MTOR: variants seen among roughly 807,000 people sequenced by gnomAD.
MTOR encodes mechanistic target of rapamycin kinase.
A neutral mutation model predicts 319.8 loss-of-function variants in MTOR; 70 were observed. That is an observed-to-expected ratio of 0.22 (90% CI 0.18 to 0.27). The LOEUF (loss-of-function observed/expected upper bound fraction) is 0.27, where lower values mean the gene tolerates loss of function less well. Among genes scored for constraint, MTOR ranks in the 10% least tolerant of loss-of-function variants. MTOR has a pLI of 1.00. For missense variants in MTOR, 1,890 were observed against 3,274.4 expected (o/e 0.58, Z 10.32); for synonymous variants, 1,183 against 1,211.4 (o/e 0.98, Z 0.49).
chr1:11,252,251 T>C (rs1420303960), intron 6 of MTOR, among the ~76,000 whole-genome samples: 1 of 152,196 alleles, frequency 6.6e-6, no homozygotes, highest in Non-Finnish European at 1.5e-5. Flanking sequence ...ATTTGTATTA[T>C]CTTTAAATTG....
chr1:11,192,291 C>G (rs1449629661), intron 28 of MTOR: 1 of 1,613,926 alleles, frequency 6.2e-7, no homozygotes, highest in Non-Finnish European at 8.5e-7. Context: ...GACTGCTCTT[C>G]CCTCTACCAG....
At chr1:11,197,277 T>C (rs1645818623) in intron 28 of MTOR, among the ~76,000 whole-genome samples, 1 of 152,202 alleles carries the variant, frequency 6.6e-6, no homozygotes, top group Non-Finnish European at 1.5e-5. Context: ...CTAGGGGTAG[T>C]GCTATGAGCA....
chr1:11,194,219 G>T (rs1315366060), intron 28 of MTOR, among the ~76,000 whole-genome samples: 1 of 152,200 alleles, frequency 6.6e-6, no homozygotes, highest in Non-Finnish European at 1.5e-5. Flanking sequence ...AAGCAGGAAA[G>T]TGAGGAATAT....
chr1:11,154,773 C>T (rs1644264960), intron 30 of MTOR, among the ~76,000 whole-genome samples: 1 of 151,920 alleles, frequency 6.6e-6, no homozygotes, highest in Non-Finnish European at 1.5e-5. Flanking sequence ...TGCTTGAGTC[C>T]AGGAGTTCAA....
rs189595014 is a variant in MTOR, at chr1:11,205,362, G to A, written c.3802-659C>T. On this transcript the variant is annotated intron_variant, in intron 25 of 57. Coordinates refer to ENST00000361445, the MANE Select transcript of MTOR (RefSeq NM_004958.4). ...AGCTACACTTGACTCAATGGCTTCA[G>A]TTCAAATCCCAGTTATATAACATAA... Among the ~76,000 whole-genome samples, 641 of 152,266 alleles carry A rather than the reference G, an allele frequency of 4.2e-3. 6 individuals carry two copies. The highest frequency in any genetic ancestry group is 0.015 in the African/African-American group (604 of 41,546).
intron 34 of MTOR, among the ~76,000 whole-genome samples, chr1:11,141,965 C>A (rs914011212): frequency 2.6e-5 from 4 of 151,430 alleles, no homozygotes; most frequent in Admixed American, 1.3e-4. Flanking sequence ...CGTGCCACTG[C>A]ACTCCAGACT....
At chr1:11,163,209 A>G (rs1274344159) in intron 29 of MTOR, among the ~76,000 whole-genome samples, 1 of 152,256 alleles carries the variant, frequency 6.6e-6, no homozygotes, top group Non-Finnish European at 1.5e-5. Flanking sequence ...ATAATGATAA[A>G]GGGATCAATT....
Position 11,133,190 on chromosome 1 carries a change from G to A in MTOR, c.5254C>T (p.Leu1752=), listed in dbSNP as rs753829747. 12 of 1,613,748 alleles carry A rather than the reference G, an allele frequency of 7.4e-6. No individual in the cohort carries two copies. In the East Asian group the frequency reaches 2.7e-4, roughly 36 times the overall value. The change falls in exon 38 of 58, where the codon CTG becomes TTG. Residue 1752 remains leucine (L), a synonymous_variant. Transcript: ENST00000361445. This position sits in a 1 kb window ranked among gnomAD's most constrained non-coding sequence, Gnocchi z 4.0. ...TTCAGCTGCCACTCTCCAAGTTTCAGGAAGCATCTGGAAGCAGAGAAACAA... is the reference window on the plus strand; with the variant it reads ...TTCAGCTGCCACTCTCCAAGTTTCAAGAAGCATCTGGAAGCAGAGAAACAA... The part of the protein sequence containing the change: ...ELHKLMARCF[L]KLGEWQLNLQ...
intron 8 of MTOR, among the ~76,000 whole-genome samples, chr1:11,246,765 G>A (rs1648886057): frequency 6.6e-6 from 1 of 152,166 alleles, no homozygotes; most frequent in Non-Finnish European, 1.5e-5. Flanking sequence ...TTCAAGACTG[G>A]GTGCCTACAC....
chr1:11,256,688 C>T (rs994293366), intron 4 of MTOR, among the ~76,000 whole-genome samples: 1 of 152,058 alleles, frequency 6.6e-6, no homozygotes, highest in Non-Finnish European at 1.5e-5. Flanking sequence ...GTACCGTGCC[C>T]CCTCCTCACA....
intron 28 of MTOR, among the ~76,000 whole-genome samples, chr1:11,169,228 A>T (rs2100617160): frequency 6.6e-6 from 1 of 152,358 alleles, no homozygotes; most frequent in African/African-American, 2.4e-5. Context: ...TGAAAGTAAT[A>T]ATCTAATGCC....
At chr1:11,226,820 T>C (rs993889267) in intron 19 of MTOR, among the ~76,000 whole-genome samples, 4 of 152,104 alleles carry the variant, frequency 2.6e-5, no homozygotes, top group Non-Finnish European at 5.9e-5. Context: ...CTTATGACTT[T>C]TTTAGTACTT....
intron 23 of MTOR, among the ~76,000 whole-genome samples, chr1:11,211,140 G>A (rs559795277): frequency 2.0e-5 from 3 of 152,180 alleles, no homozygotes; most frequent in South Asian, 2.1e-4. Context: ...CCTTGCCCCC[G>A]CAGCCTATTT....
In MTOR at chr1:11,128,268, C is replaced by T. The variant is rs1300210706; in HGVS notation, c.5911-142G>A. 9 of 1,349,558 alleles carry T rather than the reference C, an allele frequency of 6.7e-6. No homozygotes were observed. In the East Asian group the frequency reaches 7.0e-5, roughly 11 times the overall value. 83.6% of individuals were successfully genotyped at this position (1,349,558 alleles called of 1,614,324 possible). ...GACTACCAGGAAGGGGCTCAGTCTT[C>T]GAGGGAACGCTTTCTTTTTAGCAAG... On this transcript the variant is annotated intron_variant, in intron 42 of 57. Transcript: ENST00000361445. This position sits in a 1 kb window ranked among gnomAD's most constrained non-coding sequence, Gnocchi z 5.3.
In MTOR at chr1:11,170,158, G is replaced by A. The variant is rs991353418; in HGVS notation, c.4254-2641C>T. ...GTTTTTAATTTCAGAGTGAAACCAC[G>A]GCATGATGGTTTCCCTTAGGAAGCC... On this transcript the variant is annotated intron_variant, in intron 28 of 57. Transcript: ENST00000361445. 3.3e-5 allele frequency among the ~76,000 whole-genome samples: 5 copies of A among 152,240 alleles called. No individual in the cohort carries two copies. In the East Asian group the frequency reaches 5.8e-4, roughly 18 times the overall value.
chr1:11,122,203 T>TA (rs1642566549), intron 47 of MTOR, 77 bp from the exon 48 acceptor site: 203 of 1,512,828 alleles, frequency 1.3e-4, no homozygotes, highest in South Asian at 7.1e-4. Context: ...ACAGGCAGAC[T>TA]GTTTTTTTTT....
rs145971618 is a variant in MTOR, at chr1:11,172,286, G to A, written c.4254-4769C>T. 7.8e-3 allele frequency among the ~76,000 whole-genome samples: 1,183 copies of A among 152,128 alleles called. 21 individuals are homozygous for A. The highest frequency in any genetic ancestry group is 0.027 in the African/African-American group (1,115 of 41,498). On this transcript the variant is annotated intron_variant, in intron 28 of 57. Coordinates refer to ENST00000361445, the MANE Select transcript of MTOR (RefSeq NM_004958.4). ...AAAAATTACAACTTTGGCTGGGCGC[G>A]GTGGCTCACGCCTGTAATCCCAGCA...
In MTOR at chr1:11,164,119, C is replaced by T. The variant is rs1644561867; in HGVS notation, c.4329+3323G>A. Among the ~76,000 whole-genome samples the T allele has an allele frequency of 2.6e-5, 4 of 151,944 alleles. No individual in the cohort carries two copies. The South Asian group carries it at 6.3e-4, about 24-fold the overall frequency. On this transcript the variant is annotated intron_variant, in intron 29 of 57. Transcript: ENST00000361445. ...CAGCACTTTGGGAGGCCGAGGTGGG[C>T]GGATCACGAGGTCAGGAGATCAAGA... is the stretch of plus-strand genomic sequence containing the variant.
In MTOR at chr1:11,199,109, A is replaced by T. The variant is rs1412156484; in HGVS notation, c.4253+149T>A. 7 of 961,146 alleles carry T rather than the reference A, an allele frequency of 7.3e-6. No individual in the cohort carries two copies. The highest frequency in any genetic ancestry group is 1.1e-5 in the Non-Finnish European group (7 of 640,526). 59.5% of individuals were successfully genotyped at this position (961,146 alleles called of 1,614,324 possible). Reference sequence around the variant, plus strand: ...ATTCCTGGGGAGAGCCATCTGCAACAACATGTCATTTAAACATGCTGGCCA... The same window carrying T: ...ATTCCTGGGGAGAGCCATCTGCAACTACATGTCATTTAAACATGCTGGCCA... On this transcript the variant is annotated intron_variant, in intron 28 of 57. Transcript: ENST00000361445. The surrounding 1 kb of genome is among the most constrained non-coding windows in gnomAD (Gnocchi z 4.5).
Sources: allele counts gnomAD v4.1 joint callset (sites outside exome capture counted in the v4.1 genomes callset), GRCh38; gene constraint gnomAD v4.1.1; non-coding constraint Gnocchi (gnomAD v3.1); transcripts MANE v1.5; gene names NCBI Gene and HGNC (gene_info 2026-07-23, HGNC 2026-07-21).